Variants in EMC10 observed in about 807,000 individuals in gnomAD.
The protein encoded by EMC10 is UPF0510 protein INM02.
In EMC10, 40 loss-of-function variants were observed where a neutral mutation model predicts 32.2. The ratio of observed to expected loss-of-function variants is 1.24; its 90% CI spans 0.96 to 1.61. EMC10 has a LOEUF of 1.61. Among genes scored for constraint, EMC10 ranks in the 40% most tolerant of loss-of-function variants. EMC10 has a pLI of 0.00. For synonymous variants in EMC10, 178 were observed against 158.4 expected (o/e 1.12, Z -0.93); for missense variants, 402 against 357.7 (o/e 1.12, Z -1.00).
intron 6 of EMC10, chr19:50,481,492 G>A (rs2040318869): frequency 7.2e-6 from 2 of 276,210 alleles, no homozygotes; most frequent in African/African-American, 2.3e-5. Flanking sequence ...GGGGAGGCTG[G>A]GGACAGCCGG....
chr19:50,483,200 G>T lies in EMC10; in HGVS notation c.*941G>T, dbSNP rs868721149. 6.7e-6 allele frequency: 3 copies of T among 445,568 alleles called. No individual in the cohort carries two copies. Among genetic ancestry groups the T allele is most frequent in the Non-Finnish European group, 9.1e-6 (2 of 220,218 alleles). 27.6% of individuals were successfully genotyped at this position (445,568 alleles called of 1,614,324 possible). On this transcript the variant is annotated 3_prime_UTR_variant, in exon 7 of 7. Coordinates refer to ENST00000334976, the MANE Select transcript of EMC10 (RefSeq NM_206538.4). ...AAAGCAACTGTTGTTTTGGCAAGAC[G>T]GTCCTGATGTACAAGCTTGATTGAA...
Position 50,477,936 on chromosome 19 carries a change from C to T in EMC10, c.122C>T (p.Ala41Val), listed in dbSNP as rs765551966. The change falls in exon 2 of 7, where the codon GCG (alanine) becomes GTG (valine). Residue 41 changes from alanine (A) to valine (V), a missense_variant. Transcript: ENST00000334976. ...CTTCTGTGTCCTCTGCAGGCTGGGG[C>T]GGAAGGTCGAGAGGGCGAGGCCTGT... Reference protein sequence around the residue: ...RAGTGARGAGAEGREGEACGT... With the variant: ...RAGTGARGAGVEGREGEACGT... 5.9e-5 allele frequency: 94 copies of T among 1,597,128 alleles called. No individual in the cohort carries two copies. Among genetic ancestry groups the T allele is most frequent in the Middle Eastern group, 1.7e-4 (1 of 5,992 alleles).
In EMC10 at chr19:50,479,024, G is replaced by A. The variant is rs1234794876; in HGVS notation, c.255G>A (p.Leu85=). Residue 85 remains leucine, a synonymous_variant, in exon 3 of 7, where the codon CTG becomes CTA. Transcript: ENST00000334976. ...LWNQQDGTLS[L]SQRQLSEEER... is the part of the protein sequence containing the mutation. ...ACCAGCAGGATGGTACCTTGTCCCT[G>A]TCACAGCGGCAGCTCAGCGAGGAGG... 6.2e-7 allele frequency: 1 copy of A among 1,610,672 alleles called. No individual in the cohort carries two copies. Among genetic ancestry groups the A allele is most frequent in the Non-Finnish European group, 8.5e-7 (1 of 1,179,384 alleles).
At position 50,484,674 on chromosome 19, in the gene EMC10, T is replaced by TA. The variant is rs1279104861; in HGVS notation, c.*2416dup. 1.3e-5 allele frequency: 2 copies of TA among 152,090 alleles called. No individual in the cohort carries two copies. Among genetic ancestry groups the TA allele is most frequent in the East Asian group, 1.9e-4 (1 of 5,190 alleles). 9.4% of individuals were successfully genotyped at this position (152,090 alleles called of 1,614,324 possible). A position where few individuals can be genotyped will look rare whatever the true frequency, so the allele number is the denominator to read the frequency against. ...GGGATGAAGTATGAAACTCAAAAGA[T>TA]AGAGTAGGTTGGCCAGGCATAGTGA... On this transcript the variant is annotated 3_prime_UTR_variant, in exon 7 of 7. Transcript: ENST00000334976.
In EMC10 at chr19:50,482,034, T is replaced by TA. The variant is rs1601328112; in HGVS notation, c.679-114dup. 12 of 1,528,282 alleles carry TA rather than the reference T, an allele frequency of 7.9e-6. No homozygotes were observed. The East Asian group carries it at 2.7e-4, about 34-fold the overall frequency. The allele number at this position is 1,528,282 out of a possible 1,614,324, so 94.7% of individuals were successfully genotyped here. ...GTAGGGGACCTGGGCGCCCTCCCCT[T>TA]ACGCGACCTCCCCTCATGCCGGTCC... On this transcript the variant is annotated intron_variant, in intron 6 of 6. Coordinates refer to ENST00000334976, the MANE Select transcript of EMC10 (RefSeq NM_206538.4).
intron 6 of EMC10, 147 bp from the exon 7 acceptor site, chr19:50,482,002 T>C (rs1224112971): frequency 1.3e-6 from 2 of 1,596,168 alleles, no homozygotes; most frequent in Admixed American, 3.4e-5. Context: ...CCCTGACCTG[T>C]AGTGACGTAG....
chr19:50,480,592 G>A lies in EMC10; in HGVS notation c.414G>A (p.Val138=), dbSNP rs539724923. Residue 138 remains valine, a synonymous_variant, in exon 5 of 7, where the codon GTG becomes GTA. Transcript: ENST00000334976. The surrounding 1 kb of genome is among the most constrained non-coding windows in gnomAD (Gnocchi z 4.4). The part of the protein sequence containing the change: ...VSSFVPACSL[V]ESHLSDQLTL... ...CACTCCCCCCACAGTGCTCCCTGGT[G>A]GAGTCGCACCTGTCGGACCAGCTGA... is the stretch of plus-strand genomic sequence containing the variant. 6 of 1,556,872 alleles carry A rather than the reference G, an allele frequency of 3.9e-6. No individual in the cohort carries two copies. The highest frequency in any genetic ancestry group is 2.7e-5 in the African/African-American group (2 of 73,480).
chr19:50,481,822 C>T, intron 6 of EMC10: 2 of 1,510,368 alleles, frequency 1.3e-6, no homozygotes, highest in Non-Finnish European at 1.8e-6. Flanking sequence ...GGCCCCACGG[C>T]AGCCCACTGG....
rs374244678 is a variant in EMC10, at chr19:50,480,533, G to T, written c.403-48G>T. On this transcript the variant is annotated intron_variant, in intron 4 of 6. Transcript: ENST00000334976. The surrounding 1 kb of genome is among the most constrained non-coding windows in gnomAD (Gnocchi z 4.4). ...GGGGGCCGGGGGAGGTTAGGGTGGA[G>T]CCCAGGCAGCAGGCTCCCCACCTCC... The T allele has an allele frequency of 2.9e-4, 447 of 1,540,518 alleles. 5 individuals are homozygous for T. In the South Asian group the frequency reaches 4.6e-3, roughly 16 times the overall value.
chr19:50,478,983 G>A lies in EMC10; in HGVS notation c.214G>A (p.Gly72Ser). 6.2e-7 allele frequency: 1 copy of A among 1,610,930 alleles called. No individual in the cohort carries two copies. The highest frequency in any genetic ancestry group is 2.0e-4 in the Middle Eastern group (1 of 4,916). Residue 72 changes from glycine (G) to serine (S), a missense_variant, in exon 3 of 7, where the codon GGC (glycine) becomes AGC (serine). Transcript: ENST00000334976. ...IDDSANFRKR[G>S]SLLWNQQDGT... ...TGACAGTGCCAACTTCCGGAAGCGG[G>A]GCTCACTGCTCTGGAACCAGCAGGA...
At position 50,482,241 on chromosome 19, in the gene EMC10, T is replaced by TG; in HGVS notation, c.776dup (p.Ser260Ter). On this transcript the variant is annotated frameshift_variant, in exon 7 of 7. Coordinates refer to ENST00000334976, the MANE Select transcript of EMC10 (RefSeq NM_206538.4). LOFTEE classifies it high-confidence loss of function. ...GTGGGGGTGGGGGTGGGGGTGGTGG[T>TG]GGGGGTAGTGGCCGGTGAGGGCCCA... 1.2e-5 allele frequency: 1 copy of TG among 82,960 alleles called. No individual in the cohort carries two copies. Among genetic ancestry groups the TG allele is most frequent in the Non-Finnish European group, 2.3e-5 (1 of 43,834 alleles). The allele number at this position is 82,960 out of a possible 1,614,324, so 5.1% of individuals were successfully genotyped here.
rs199602607 is a variant in EMC10 at position 50,483,880 on chromosome 19, TAAAG to T, written c.*1624_*1627del. ...CCTGGCCTATTTTTGGTAACTTTAA[TAAAG>T]AAGATAGTCTTAGCATTGCTAACTT... On this transcript the variant is annotated 3_prime_UTR_variant, in exon 7 of 7. Coordinates refer to ENST00000334976, the MANE Select transcript of EMC10 (RefSeq NM_206538.4). 0.013 allele frequency: 1,973 copies of T among 151,582 alleles called. 17 individuals carry two copies. Among genetic ancestry groups the T allele is most frequent in the Middle Eastern group, 0.024 (7 of 290 alleles). The allele number at this position is 151,582 out of a possible 1,614,324, so 9.4% of individuals were successfully genotyped here.
In EMC10 at chr19:50,486,113, A is replaced by G. The variant is rs1978343050; in HGVS notation, c.*3854A>G. 6.6e-6 allele frequency: 1 copy of G among 152,150 alleles called. No individual in the cohort carries two copies. Among genetic ancestry groups the G allele is most frequent in the African/African-American group, 2.4e-5 (1 of 41,436 alleles). 9.4% of individuals were successfully genotyped at this position (152,150 alleles called of 1,614,324 possible). On this transcript the variant is annotated 3_prime_UTR_variant, in exon 7 of 7. Transcript: ENST00000334976. ...ACAATCCTAAAATATACAAGACTAC[A>G]TTTAGTATTTTGTAAAATTCTTTAC...
intron 6 of EMC10, chr19:50,481,768 C>G: frequency 1.8e-6 from 2 of 1,121,046 alleles, no homozygotes; most frequent in South Asian, 1.6e-5. Flanking sequence ...TGGGCCCTGC[C>G]CTGCTGCCCA....
chr19:50,481,073 T>C, intron 6 of EMC10, 96 bp downstream of exon 6: 1 of 904,400 alleles, frequency 1.1e-6, no homozygotes. Context: ...CCTATGGTGC[T>C]CGGGCCTGCT....
Position 50,482,537 on chromosome 19 carries a change from C to G in EMC10, c.*278C>G. 1.8e-6 allele frequency: 1 copy of G among 553,280 alleles called. No homozygotes were observed. Among genetic ancestry groups the G allele is most frequent in the Non-Finnish European group, 3.2e-6 (1 of 314,690 alleles). 34.3% of individuals were successfully genotyped at this position (553,280 alleles called of 1,614,324 possible). A position where few individuals can be genotyped will look rare whatever the true frequency, so the allele number is the denominator to read the frequency against. On this transcript the variant is annotated 3_prime_UTR_variant, in exon 7 of 7. Transcript: ENST00000334976. ...TCCCCCCTGCCCATGGAGTAGAGCC[C>G]GAGATCCTGGCCACTATGCCAGTTC...
Position 50,489,489 on chromosome 19 carries a change from A to C in EMC10, c.*7230A>C, listed in dbSNP as rs1978531800. Reference sequence around the variant, plus strand: ...GGGGCAGGAAGCAGGAACGTGAAGCAGGTTAGGAGCCAGTGTGAGGCACGG... The same window carrying C: ...GGGGCAGGAAGCAGGAACGTGAAGCCGGTTAGGAGCCAGTGTGAGGCACGG... On this transcript the variant is annotated 3_prime_UTR_variant, in exon 7 of 7. Coordinates refer to ENST00000334976, the MANE Select transcript of EMC10 (RefSeq NM_206538.4). 6.6e-6 allele frequency: 1 copy of C among 152,638 alleles called. No homozygotes were observed. The highest frequency in any genetic ancestry group is 2.4e-5 in the African/African-American group (1 of 41,466). The allele number at this position is 152,638 out of a possible 1,614,324, so 9.5% of individuals were successfully genotyped here.
chr19:50,481,476 T>G, intron 6 of EMC10: 1 of 253,456 alleles, frequency 3.9e-6, no homozygotes, highest in Non-Finnish European at 7.4e-6. Context: ...GGCTGAGGCG[T>G]GGGGTGGGGA....
intron 2 of EMC10, 147 bp downstream of exon 2, chr19:50,478,148 G>C (rs2040260211): frequency 1.5e-6 from 1 of 661,232 alleles, no homozygotes; most frequent in Middle Eastern, 2.5e-4. Flanking sequence ...AGTGGGACAT[G>C]AAAGAAGAGA....
Sources: allele counts gnomAD v4.1 joint callset, GRCh38; gene constraint gnomAD v4.1.1; non-coding constraint Gnocchi (gnomAD v3.1); transcripts MANE v1.5; gene names NCBI Gene and HGNC (gene_info 2026-07-23, HGNC 2026-07-21).